Variants in UGT1A8 observed in about 807,000 individuals in gnomAD.
The protein encoded by UGT1A8 is UDP glucuronosyltransferase family 1 member A8, also known as UDP-glucuronosyltransferase 1A8.
Under a neutral mutation model 45.3 loss-of-function variants are expected in UGT1A8, and 39 were observed. That is an observed-to-expected ratio of 0.86 (90% confidence interval 0.67 to 1.12). The LOEUF is 1.12. Among genes scored for constraint, UGT1A8 ranks in the 50% most tolerant of loss-of-function variants. UGT1A8 has a pLI of 0.00. For missense variants in UGT1A8, 719 were observed against 664.9 expected, an observed-to-expected ratio of 1.08 and a Z score of -0.90; for synonymous variants, 275 against 249.2, an observed-to-expected ratio of 1.10 and a Z score of -0.97.
At chr2:233,649,172 GTT>G in intron 1 of UGT1A8, 1 of 437,426 alleles carries the variant, frequency 2.3e-6, no homozygotes, top group Non-Finnish European at 3.6e-6. Context: ...CCATCCACGT[GTT>G]TGTTGGTTAG....
intron 1 of UGT1A8, among the ~76,000 whole-genome samples, chr2:233,676,122 AC>A (rs2074347004): frequency 6.6e-6 from 1 of 152,180 alleles, no homozygotes; most frequent in Admixed American, 6.5e-5. Context: ...CAGAAGACCC[AC>A]CCTGGGGTCC....
chr2:233,756,609 A>G (rs1242342387), intron 1 of UGT1A8, among the ~76,000 whole-genome samples: 4 of 152,200 alleles, frequency 2.6e-5, no homozygotes, highest in Admixed American at 2.0e-4. Flanking sequence ...CGAAACCATT[A>G]AGACTTGCAG....
intron 1 of UGT1A8, among the ~76,000 whole-genome samples, chr2:233,654,681 C>G (rs2073816238): frequency 6.6e-6 from 1 of 152,230 alleles, no homozygotes; most frequent in South Asian, 2.1e-4. Flanking sequence ...AATTTCTAAG[C>G]ATTTCCTGCA....
At chr2:233,693,454 C>T (rs1319320427) in intron 1 of UGT1A8, 1 of 1,614,134 alleles carries the variant, frequency 6.2e-7, no homozygotes, top group Admixed American at 1.7e-5. Context: ...TTTTCACAGA[C>T]CCAGCCTTAC....
chr2:233,681,812 T>A (rs2074540726), intron 1 of UGT1A8: 3 of 1,444,690 alleles, frequency 2.1e-6, no homozygotes, highest in Non-Finnish European at 2.8e-6. Context: ...TGAATGTGAA[T>A]TTTTTTTTAA....
chr2:233,641,375 A>G lies in UGT1A8; in HGVS notation c.855+22813A>G, dbSNP rs185898618. On this transcript the variant is annotated intron_variant, in intron 1 of 4. Coordinates refer to ENST00000373450, the MANE Select transcript of UGT1A8 (RefSeq NM_019076.5). ...CTATTTGCATAAACAAACACACAGC[A>G]AGAAGAAAACTAATAGAAACTAGTC... Among the ~76,000 whole-genome samples the G allele has an allele frequency of 2.4e-4, 36 of 152,320 alleles. No individual in the cohort carries two copies. The East Asian group carries it at 6.7e-3, about 29-fold the overall frequency.
Position 233,755,111 on chromosome 2 carries a change from G to A in UGT1A8, c.856-11923G>A, listed in dbSNP as rs41264157. 3,233 of 1,331,410 alleles carry A rather than the reference G, an allele frequency of 2.4e-3. 9 individuals carry two copies. Among genetic ancestry groups the A allele is most frequent in the Non-Finnish European group, 3.0e-3 (2,941 of 989,376 alleles). 82.5% of individuals were successfully genotyped at this position (1,331,410 alleles called of 1,614,324 possible). A position where few individuals can be genotyped will look rare whatever the true frequency, so the allele number is the denominator to read the frequency against. On this transcript the variant is annotated intron_variant, in intron 1 of 4. Coordinates refer to ENST00000373450, the MANE Select transcript of UGT1A8 (RefSeq NM_019076.5). ...GTTTCTACGCGTCCGACAACACCTC[G>A]TAGGCCTCAGCCACCTGCTTGAATC...
At chr2:233,689,975 G>A in intron 1 of UGT1A8, 1 of 455,412 alleles carries the variant, frequency 2.2e-6, no homozygotes, top group Admixed American at 2.4e-5. Flanking sequence ...GGAACCCACA[G>A]GCCCCTAAAA....
At position 233,671,971 on chromosome 2, in the gene UGT1A8, T is replaced by G. The variant is rs199516931; in HGVS notation, c.855+53409T>G. The G allele has an allele frequency of 4.3e-6, 7 of 1,613,872 alleles. No individual in the cohort carries two copies. The East Asian group carries it at 1.6e-4, about 36-fold the overall frequency. ...AGGGTGGACCAGCCCCCTTCCTCTA[T>G]GTGTGTGTCTGCTGCTGACCTGTGG... On this transcript the variant is annotated intron_variant, in intron 1 of 4. Coordinates refer to ENST00000373450, the MANE Select transcript of UGT1A8 (RefSeq NM_019076.5).
At chr2:233,693,011 T>G (rs952718997) in intron 1 of UGT1A8, 2 of 1,614,200 alleles carry the variant, frequency 1.2e-6, no homozygotes, top group Non-Finnish European at 1.7e-6. Context: ...CAGGATGGCC[T>G]GCCTCCTTCG....
At chr2:233,758,626 C>T (rs1184924928) in intron 1 of UGT1A8, among the ~76,000 whole-genome samples, 3 of 152,058 alleles carry the variant, frequency 2.0e-5, no homozygotes, top group Admixed American at 6.5e-5. Flanking sequence ...ATGCAAAGTA[C>T]CTACTCTAAG....
intron 1 of UGT1A8, among the ~76,000 whole-genome samples, chr2:233,665,909 A>G (rs1444282925): frequency 1.3e-5 from 2 of 152,192 alleles, no homozygotes; most frequent in African/African-American, 2.4e-5. Flanking sequence ...CCACCTGCAT[A>G]TGAGAGGTCC....
chr2:233,768,011 A>C lies in UGT1A8; in HGVS notation c.1075+75A>C, dbSNP rs1159299269. On this transcript the variant is annotated intron_variant, in intron 3 of 4. Coordinates refer to ENST00000373450, the MANE Select transcript of UGT1A8 (RefSeq NM_019076.5). ...AAATGGCTTAAGCACAGCTATTCTA[A>C]AGGATTGTTGAGCTTGAAAATATTA... 8 of 1,613,860 alleles carry C rather than the reference A, an allele frequency of 5.0e-6. No individual in the cohort carries two copies. In the East Asian group the frequency reaches 1.8e-4, roughly 36 times the overall value.
intron 1 of UGT1A8, among the ~76,000 whole-genome samples, chr2:233,699,092 C>CACCT (rs2075484389): frequency 6.6e-6 from 1 of 152,232 alleles, no homozygotes; most frequent in African/African-American, 2.4e-5. Context: ...TAGCCCTGTG[C>CACCT]ACCTCATCAC....
At chr2:233,651,286 C>T (rs2073733263) in intron 1 of UGT1A8, among the ~76,000 whole-genome samples, 1 of 152,100 alleles carries the variant, frequency 6.6e-6, no homozygotes, top group East Asian at 1.9e-4. Flanking sequence ...TTCCTTGTGG[C>T]TCACAGGGTC....
chr2:233,728,546 C>T (rs2008595), intron 1 of UGT1A8, among the ~76,000 whole-genome samples: 83,886 of 152,146 alleles, frequency 0.55, 25,265 homozygotes, highest in African/African-American at 0.81. Context: ...AGAGTCCTCT[C>T]TGATCCTTAC....
intron 4 of UGT1A8, among the ~76,000 whole-genome samples, chr2:233,771,893 A>G (rs546838054): frequency 6.6e-6 from 1 of 150,952 alleles, no homozygotes; most frequent in Admixed American, 6.6e-5. Flanking sequence ...TCTTAATTAT[A>G]ACCTTTCAGG....
chr2:233,672,831 T>A (rs1156523567), intron 1 of UGT1A8: 1 of 1,559,894 alleles, frequency 6.4e-7, no homozygotes, highest in Middle Eastern at 1.7e-4. Flanking sequence ...TACTTCACCT[T>A]TGGAAATTAA....
At chr2:233,686,163 T>C (rs1162528711) in intron 1 of UGT1A8, among the ~76,000 whole-genome samples, 1 of 152,042 alleles carries the variant, frequency 6.6e-6, no homozygotes, top group African/African-American at 2.4e-5. Context: ...ATCAAAGACC[T>C]AAATAGAAAA....
Sources: allele counts gnomAD v4.1 joint callset (sites outside exome capture counted in the v4.1 genomes callset), GRCh38; gene constraint gnomAD v4.1.1; transcripts MANE v1.5; gene names NCBI Gene and HGNC (gene_info 2026-07-23, HGNC 2026-07-21).